Variants in ZFHX3 observed in about 807,000 individuals in gnomAD.
The protein encoded by ZFHX3 is zinc finger homeobox protein 3.
ZFHX3 carries 42 observed loss-of-function variants against 279.1 expected under a neutral mutation model. The ratio of observed to expected loss-of-function variants is 0.15; its 90% confidence interval spans 0.12 to 0.19. ZFHX3 has a LOEUF of 0.19. ZFHX3 is among the 10% of genes least tolerant of loss of function. ZFHX3 has a pLI of 1.00. For missense variants in ZFHX3, 4,981 were observed against 4,754.0 expected (o/e 1.05, Z -1.40); for synonymous variants, 2,293 against 1,957.8 (o/e 1.17, Z -4.52).
chr16:73,388,250 G>A (rs1188811181), intron 3 of ZFHX3, among the ~76,000 whole-genome samples: 1 of 152,076 alleles, frequency 6.6e-6, no homozygotes, highest in Admixed American at 6.5e-5. Context: ...AGGCCTGTGT[G>A]GAGTATTCCT....
In ZFHX3 at chr16:73,378,726, A is replaced by G. The variant is rs2016768593; in HGVS notation, c.-1290-60390T>C. ...GCTCTCTGTTCCTTCTCCATGTGACATATTCCTCCCCCCATGCTTTGGCTC... is the reference window on the plus strand; with the variant it reads ...GCTCTCTGTTCCTTCTCCATGTGACGTATTCCTCCCCCCATGCTTTGGCTC... On this transcript the variant is annotated intron_variant, in intron 3 of 17. Transcript: ENST00000641206. 2.0e-5 allele frequency among the ~76,000 whole-genome samples: 3 copies of G among 152,306 alleles called. No individual in the cohort carries two copies. The South Asian group carries it at 6.2e-4, about 32-fold the overall frequency.
intron 5 of ZFHX3, among the ~76,000 whole-genome samples, chr16:73,219,742 C>T (rs2012345451): frequency 6.6e-6 from 1 of 152,186 alleles, no homozygotes; most frequent in South Asian, 2.1e-4. Flanking sequence ...TGAAGGCTGC[C>T]TCCCCCAGTC....
chr16:73,309,906 C>CT lies in ZFHX3; in HGVS notation c.-1194+8333dup, dbSNP rs57812149. On this transcript the variant is annotated intron_variant, in intron 4 of 17. Transcript: ENST00000641206. ...TGCTTTGGGACTCGTTTTTTCTTGC[C>CT]TTTTTTTTTTTTTTTTTTTTGAGAT... Among the ~76,000 whole-genome samples the CT allele has an allele frequency of 6.5e-3, 743 of 114,344 alleles. 38 individuals carry two copies. The highest frequency in any genetic ancestry group is 0.017 in the African/African-American group (517 of 30,760). 75.0% of individuals were successfully genotyped at this position (114,344 alleles called of 152,430 possible).
intron 5 of ZFHX3, among the ~76,000 whole-genome samples, chr16:73,179,327 A>G (rs978890485): frequency 1.3e-5 from 2 of 152,184 alleles, no homozygotes; most frequent in Non-Finnish European, 2.9e-5. Context: ...TAACACAAGT[A>G]GCTTAGCCCA....
At chr16:73,339,305 T>C (rs535803843) in intron 3 of ZFHX3, among the ~76,000 whole-genome samples, 1 of 152,210 alleles carries the variant, frequency 6.6e-6, no homozygotes, top group Admixed American at 6.5e-5. Context: ...TTTGTGCCTA[T>C]CTCTCTTCTC....
intron 4 of ZFHX3, among the ~76,000 whole-genome samples, chr16:72,833,445 T>C (rs1379466559): frequency 6.6e-6 from 1 of 152,102 alleles, no homozygotes; most frequent in Non-Finnish European, 1.5e-5. Flanking sequence ...TACTGACAGA[T>C]GGTGGGAACA....
Position 72,960,229 on chromosome 16 carries a change from A to C in ZFHX3, c.-49-35T>G. On this transcript the variant is annotated intron_variant, in intron 1 of 9. Coordinates refer to ENST00000268489, the MANE Select transcript of ZFHX3 (RefSeq NM_006885.4). ...AGAGGCAAGGGGGGAGGAGGGAGAGAGGGGAAAGAGAGAGAGAAAGGAAAG... is the reference window on the plus strand; with the variant it reads ...AGAGGCAAGGGGGGAGGAGGGAGAGCGGGGAAAGAGAGAGAGAAAGGAAAG... 3 of 1,459,590 alleles carry C rather than the reference A, an allele frequency of 2.1e-6. No homozygotes were observed. The South Asian group carries it at 4.4e-5, about 22-fold the overall frequency. 90.4% of individuals were successfully genotyped at this position (1,459,590 alleles called of 1,614,324 possible).
At position 72,900,350 on chromosome 16, in the gene ZFHX3, C is replaced by T. The variant is rs1431182552; in HGVS notation, c.3217-10388G>A. On this transcript the variant is annotated intron_variant, in intron 3 of 9. Coordinates refer to ENST00000268489, the MANE Select transcript of ZFHX3 (RefSeq NM_006885.4). ...GAATTTGCTTATTTGTATCTCCAAT[C>T]CCATGACAGTCAATCCAGCAGAAAA... 2.0e-5 allele frequency among the ~76,000 whole-genome samples: 3 copies of T among 152,278 alleles called. No individual in the cohort carries two copies. The East Asian group carries it at 5.8e-4, about 29-fold the overall frequency.
At chr16:73,393,451 G>A (rs563389500) in intron 3 of ZFHX3, among the ~76,000 whole-genome samples, 6 of 152,270 alleles carry the variant, frequency 3.9e-5, no homozygotes, top group Admixed American at 2.6e-4. Context: ...TCCCAATCTA[G>A]ACAGTCGTTC....
intron 3 of ZFHX3, among the ~76,000 whole-genome samples, chr16:73,439,544 C>T (rs1266081214): frequency 6.6e-6 from 1 of 152,146 alleles, no homozygotes; most frequent in African/African-American, 2.4e-5. Context: ...CGATGCTACA[C>T]TCTTTCACTC....
chr16:73,472,487 T>C (rs1001282216), intron 2 of ZFHX3, among the ~76,000 whole-genome samples: 1 of 152,206 alleles, frequency 6.6e-6, no homozygotes, highest in Non-Finnish European at 1.5e-5. Flanking sequence ...GAGAATTTTC[T>C]ACTTCACCAG....
chr16:73,869,731 T>C (rs1003762536), intron 1 of ZFHX3, among the ~76,000 whole-genome samples: 1 of 152,214 alleles, frequency 6.6e-6, no homozygotes, highest in Admixed American at 6.5e-5. Flanking sequence ...AATATAAAGC[T>C]GTGGAGGTAA....
intron 6 of ZFHX3, among the ~76,000 whole-genome samples, chr16:73,143,460 T>C (rs1210299486): frequency 1.3e-5 from 2 of 152,220 alleles, no homozygotes; most frequent in African/African-American, 4.8e-5. Flanking sequence ...GTCACATTCA[T>C]TGTGTTTTGC....
intron 1 of ZFHX3, among the ~76,000 whole-genome samples, chr16:73,703,449 G>C (rs2053270984): frequency 6.6e-6 from 1 of 151,842 alleles, no homozygotes; most frequent in South Asian, 2.1e-4. Flanking sequence ...AATAGGTTTG[G>C]TTGGTTCAAA....
chr16:73,181,091 T>TTTG lies in ZFHX3; in HGVS notation c.-1103-37261_-1103-37260insCAA, dbSNP rs1196341989. Among the ~76,000 whole-genome samples, 273 of 98,586 alleles carry TTTG rather than the reference T, an allele frequency of 2.8e-3. 1 individual carries two copies. Among genetic ancestry groups the TTTG allele is most frequent in the Middle Eastern group, 0.015 (3 of 196 alleles). 64.7% of individuals were successfully genotyped at this position (98,586 alleles called of 152,430 possible). On this transcript the variant is annotated intron_variant, in intron 5 of 17. Transcript: ENST00000641206. ...CTAGTTTTTTTGTTTGTTTGTTTTGTTTTGTTTTGTTTTGTTTTGTTTTGT... is the reference window on the plus strand; with the variant it reads ...CTAGTTTTTTTGTTTGTTTGTTTTGTTTGTTTGTTTTGTTTTGTTTTGTTTTGT...
At chr16:72,992,788 G>A (rs143701935) in intron 1 of ZFHX3, among the ~76,000 whole-genome samples, 22 of 152,348 alleles carry the variant, frequency 1.4e-4, no homozygotes, top group South Asian at 2.1e-4. Flanking sequence ...CCGTGCACAC[G>A]AAACTCATTC....
chr16:73,859,211 C>T (rs1026862196), intron 1 of ZFHX3, among the ~76,000 whole-genome samples: 1 of 152,190 alleles, frequency 6.6e-6, no homozygotes, highest in African/African-American at 2.4e-5. Flanking sequence ...TGAAACATCC[C>T]CCAGTTCCTA....
At chr16:73,360,151 T>C (rs532812155) in intron 3 of ZFHX3, among the ~76,000 whole-genome samples, 3 of 152,182 alleles carry the variant, frequency 2.0e-5, no homozygotes, top group Admixed American at 2.0e-4. Context: ...AGACAGTTAA[T>C]ATCTACAGCA....
chr16:73,536,325 C>A (rs1366922609), intron 2 of ZFHX3, among the ~76,000 whole-genome samples: 1 of 151,718 alleles, frequency 6.6e-6, no homozygotes, highest in Non-Finnish European at 1.5e-5. Flanking sequence ...AAGTTCACAC[C>A]AGGAAAAAAT....
Sources: gnomAD v4.1 joint callset for allele counts (sites outside exome capture counted in the v4.1 genomes callset) on GRCh38, gnomAD v4.1.1 for gene constraint, MANE v1.5 for transcripts, NCBI Gene and HGNC (gene_info 2026-07-23, HGNC 2026-07-21) for gene names.